FBXO17: variants seen among roughly 807,000 people sequenced by gnomAD.
The protein encoded by FBXO17 is F-box only protein 17.
Under a neutral mutation model 34.1 loss-of-function variants are expected in FBXO17, and 43 were observed. The observed-to-expected ratio is 1.26, with a 90% confidence interval of 0.99 to 1.62. FBXO17 has a LOEUF of 1.62. Ranked by LOEUF, FBXO17 falls within the 40% of genes most tolerant of loss-of-function variation. The pLI, the probability that FBXO17 is intolerant of heterozygous loss-of-function variation, is 0.00. For synonymous variants in FBXO17, 169 were observed against 166.0 expected, an observed-to-expected ratio of 1.02 and a Z score of -0.14; for missense variants, 424 against 386.7, an observed-to-expected ratio of 1.10 and a Z score of -0.81.
At chr19:38,949,568 C>CGCAG (rs1198551337) in intron 2 of FBXO17, among the ~76,000 whole-genome samples, 2 of 151,534 alleles carry the variant, frequency 1.3e-5, no homozygotes, top group East Asian at 3.9e-4. Flanking sequence ...GTCTCTGTCA[C>CGCAG]GCAGGCTGTA....
intron 1 of FBXO17, among the ~76,000 whole-genome samples, chr19:38,962,404 A>G (rs773129926): frequency 6.6e-6 from 1 of 152,098 alleles, no homozygotes; most frequent in African/African-American, 2.4e-5. Context: ...TGACTCCTAC[A>G]TGCGTGCGGT....
At chr19:38,950,522 T>A (rs1221994788) in intron 1 of FBXO17, among the ~76,000 whole-genome samples, 186 bp from the exon 2 acceptor site, 1 of 152,236 alleles carries the variant, frequency 6.6e-6, no homozygotes, top group African/African-American at 2.4e-5. Flanking sequence ...AAAAGACCCC[T>A]GGTCTGACTC....
At chr19:38,965,610 G>A (rs1442048817) in intron 1 of FBXO17, among the ~76,000 whole-genome samples, 3 of 152,146 alleles carry the variant, frequency 2.0e-5, no homozygotes, top group Non-Finnish European at 4.4e-5. Context: ...GGGTTCAAGC[G>A]GTTCTCCAGC....
At chr19:38,970,041 C>T (rs1451693072) in intron 1 of FBXO17, among the ~76,000 whole-genome samples, 1 of 151,956 alleles carries the variant, frequency 6.6e-6, no homozygotes, top group East Asian at 1.9e-4. Flanking sequence ...GTCCCAGATG[C>T]CTGTCCACTG....
intron 4 of FBXO17, 74 bp from the exon 5 acceptor site, chr19:38,945,178 G>T (rs1217576009): frequency 1.1e-5 from 17 of 1,579,234 alleles, no homozygotes; most frequent in Non-Finnish European, 1.5e-5. Flanking sequence ...GGAGGCTGAG[G>T]GCTGGCTCCA....
chr19:38,964,276 C>T (rs560373628), intron 1 of FBXO17, among the ~76,000 whole-genome samples: 2 of 152,148 alleles, frequency 1.3e-5, no homozygotes, highest in Non-Finnish European at 2.9e-5. Context: ...AAAGTTTACA[C>T]AGAATGGTTT....
intron 1 of FBXO17, among the ~76,000 whole-genome samples, chr19:38,971,089 G>T (rs1975384614): frequency 8.3e-6 from 1 of 120,030 alleles, no homozygotes; most frequent in Non-Finnish European, 1.7e-5. Context: ...ACAAAGGAGA[G>T]TCCATCTCAA....
chr19:38,974,155 C>G (rs969785514), intron 1 of FBXO17, among the ~76,000 whole-genome samples: 8 of 150,404 alleles, frequency 5.3e-5, no homozygotes, highest in Non-Finnish European at 8.9e-5. Context: ...AATCTTGGCT[C>G]ACTGCAACCT....
intron 1 of FBXO17, among the ~76,000 whole-genome samples, chr19:38,973,637 T>A (rs546672210): frequency 2.6e-5 from 4 of 152,312 alleles, no homozygotes; most frequent in African/African-American, 9.6e-5. Context: ...TTGATTAGAA[T>A]TGAAGAAATT....
At chr19:38,962,490 A>G (rs947978905) in intron 1 of FBXO17, among the ~76,000 whole-genome samples, 2 of 152,050 alleles carry the variant, frequency 1.3e-5, no homozygotes, top group Non-Finnish European at 2.9e-5. Flanking sequence ...CTCAGCTGAG[A>G]CACTTCCCTG....
At chr19:38,955,793 C>T (rs1204738019) in intron 1 of FBXO17, among the ~76,000 whole-genome samples, 1 of 152,032 alleles carries the variant, frequency 6.6e-6, no homozygotes, top group Non-Finnish European at 1.5e-5. Flanking sequence ...TCCAGCTCCA[C>T]TTCTTGCTAT....
At chr19:38,943,217 T>C (rs1483256770) in intron 5 of FBXO17, among the ~76,000 whole-genome samples, 2 of 149,202 alleles carry the variant, frequency 1.3e-5, no homozygotes, top group Non-Finnish European at 3.0e-5. Flanking sequence ...ACTTTGGCTT[T>C]TTTTTTTTTT....
intron 1 of FBXO17, among the ~76,000 whole-genome samples, chr19:38,971,112 A>T (rs1366208141): frequency 6.6e-6 from 1 of 151,618 alleles, no homozygotes; most frequent in Non-Finnish European, 1.5e-5. Flanking sequence ...AAAAAAAAAA[A>T]AAATTCAAAG....
At chr19:38,943,780 A>G (rs1320537223) in intron 5 of FBXO17, among the ~76,000 whole-genome samples, 2 of 151,876 alleles carry the variant, frequency 1.3e-5, no homozygotes, top group Non-Finnish European at 2.9e-5. Context: ...TAGTAGAGAC[A>G]GGGTTTCACT....
chr19:38,970,746 C>G (rs533069908), intron 1 of FBXO17, among the ~76,000 whole-genome samples: 174 of 152,232 alleles, frequency 1.1e-3, no homozygotes, highest in African/African-American at 4.1e-3. Flanking sequence ...CACAAATGCT[C>G]CTCAGCCCTA....
At chr19:38,969,943 C>G (rs780888530) in intron 1 of FBXO17, among the ~76,000 whole-genome samples, 3 of 151,878 alleles carry the variant, frequency 2.0e-5, no homozygotes, top group Non-Finnish European at 4.4e-5. Context: ...GTGCCTGCCC[C>G]ATGACCCAGC....
intron 5 of FBXO17, chr19:38,944,748 G>T: frequency 1.6e-6 from 1 of 618,166 alleles, no homozygotes; most frequent in Non-Finnish European, 2.7e-6. Flanking sequence ...CACAGTAGGT[G>T]CTCAATCAGT....
intron 1 of FBXO17, among the ~76,000 whole-genome samples, chr19:38,954,939 TA>T (rs1174047254): frequency 5.7e-5 from 7 of 122,138 alleles, no homozygotes; most frequent in East Asian, 4.8e-4. Context: ...TTATTATTAT[TA>T]TTATTTTTGA....
chr19:38,969,286 CA>C (rs1349747765), intron 1 of FBXO17, among the ~76,000 whole-genome samples: 3 of 151,276 alleles, frequency 2.0e-5, no homozygotes, highest in African/African-American at 4.9e-5. Context: ...CCCGTCTCTA[CA>C]AAAAAATTAG....
Sources: allele counts gnomAD v4.1 joint callset (sites outside exome capture counted in the v4.1 genomes callset), GRCh38; gene constraint gnomAD v4.1.1; transcripts MANE v1.5; gene names NCBI Gene and HGNC (gene_info 2026-07-23, HGNC 2026-07-21).